NECAB2: variants seen among roughly 807,000 people sequenced by gnomAD.
NECAB2 encodes N-terminal EF-hand calcium-binding protein 2.
NECAB2 carries 68 observed loss-of-function variants against 51.9 expected under a neutral mutation model. The ratio of observed to expected loss-of-function variants is 1.31; its 90% CI spans 1.08 to 1.60. NECAB2 has a LOEUF of 1.60. Among genes scored for constraint, NECAB2 ranks in the 40% most tolerant of loss-of-function variants. NECAB2 has a pLI of 0.00. For synonymous variants in NECAB2, 329 were observed against 203.5 expected (o/e 1.62, Z -5.25); for missense variants, 854 against 490.3 (o/e 1.74, Z -7.00).
Position 83,970,580 on chromosome 16 carries a change from C to A in NECAB2, c.202-1571C>A, listed in dbSNP as rs2084337242. Reference sequence around the variant, plus strand: ...CTGGAGGGATGGGGGGCGAGGGCATCTGTCCTTTACCCCAAGGCGAGGACA... The same window carrying A: ...CTGGAGGGATGGGGGGCGAGGGCATATGTCCTTTACCCCAAGGCGAGGACA... On this transcript the variant is annotated intron_variant, in intron 1 of 12. Transcript: ENST00000305202. 3.3e-5 allele frequency among the ~76,000 whole-genome samples: 5 copies of A among 152,178 alleles called. No homozygotes were observed. The South Asian group carries it at 1.0e-3, about 32-fold the overall frequency.
Position 83,990,481 on chromosome 16 carries a change from C to G in NECAB2, c.460-13C>G. On this transcript the variant is annotated splice_polypyrimidine_tract_variant and intron_variant, in intron 5 of 12. Coordinates refer to ENST00000305202, the MANE Select transcript of NECAB2 (RefSeq NM_019065.3). ...CCCCTTTCCCCTCAGTGCCTCTTCT[C>G]TTCCTTCCACAGGTATATGAGGGTG... The G allele has an allele frequency of 6.2e-7, 1 of 1,613,866 alleles. No homozygotes were observed. The highest frequency in any genetic ancestry group is 2.2e-5 in the East Asian group (1 of 44,858).
Position 84,002,314 on chromosome 16 carries a change from T to TCTAACGTGTCTCTCTCCTTC in NECAB2, c.1133-4_1133-3insCTAACGTGTCTCTCTCCTTC, listed in dbSNP as rs755828013. On this transcript the variant is annotated splice_region_variant and splice_polypyrimidine_tract_variant and intron_variant, in intron 12 of 12. Coordinates refer to ENST00000305202, the MANE Select transcript of NECAB2 (RefSeq NM_019065.3). ...TTCCCTCTAACGTGTCTCTCTCCTT[T>TCTAACGTGTCTCTCTCCTTC]TAGCTGCTTGGTGCACGGTGGGACG... is the stretch of plus-strand genomic sequence containing the variant. 2.5e-6 allele frequency: 4 copies of TCTAACGTGTCTCTCTCCTTC among 1,613,552 alleles called. No individual in the cohort carries two copies. In the South Asian group the frequency reaches 4.4e-5, roughly 18 times the overall value.
rs1413219696 is a variant in NECAB2, at chr16:83,998,057, C to G, written c.850-148C>G. ...AGTCCTTTCTTAGCCCATTTTTAGT[C>G]CATTCTTATCCATTCATGGGTAAGA... On this transcript the variant is annotated intron_variant, in intron 9 of 12. Transcript: ENST00000305202. The G allele has an allele frequency of 1.5e-5, 10 of 688,962 alleles. No homozygotes were observed. The East Asian group carries it at 2.7e-4, about 19-fold the overall frequency. The allele number at this position is 688,962 out of a possible 1,614,324, so 42.7% of individuals were successfully genotyped here.
chr16:83,975,714 C>A (rs1345479433), intron 2 of NECAB2, among the ~76,000 whole-genome samples: 1 of 152,128 alleles, frequency 6.6e-6, no homozygotes, highest in Non-Finnish European at 1.5e-5. Flanking sequence ...GAGTGGCAGA[C>A]AGCATTTCCC....
At chr16:83,985,205 T>C (rs1419002702) in intron 5 of NECAB2, among the ~76,000 whole-genome samples, 1 of 145,482 alleles carries the variant, frequency 6.9e-6, no homozygotes, top group East Asian at 2.2e-4. Flanking sequence ...CCCAGCTACT[T>C]GGGAGGCTGA....
intron 11 of NECAB2, 34 bp from the exon 12 acceptor site, chr16:84,001,791 C>G: frequency 6.2e-7 from 1 of 1,610,216 alleles, no homozygotes; most frequent in African/African-American, 1.3e-5. Context: ...TCCACTCCTG[C>G]CACCCCTGAC....
chr16:83,998,176 C>T (rs370701918), intron 9 of NECAB2, 29 bp from the exon 10 acceptor site: 1 of 1,599,038 alleles, frequency 6.3e-7, no homozygotes, highest in Non-Finnish European at 8.5e-7. Flanking sequence ...GACGTGGAGC[C>T]CCACACTGAC....
chr16:83,978,356 T>C, intron 2 of NECAB2, 88 bp from the exon 3 acceptor site: 2 of 988,200 alleles, frequency 2.0e-6, no homozygotes, highest in Non-Finnish European at 3.1e-6. Context: ...GTCAGGCCAT[T>C]GACTGGATTT....
chr16:83,983,609 A>G (rs748403777), intron 5 of NECAB2, among the ~76,000 whole-genome samples: 2 of 151,996 alleles, frequency 1.3e-5, no homozygotes, highest in Non-Finnish European at 2.9e-5. Context: ...CCCCTAAGCT[A>G]TTGATGGGGT....
At position 83,985,313 on chromosome 16, in the gene NECAB2, C is replaced by CA. The variant is rs71148868; in HGVS notation, c.459+4219dup. Among the ~76,000 whole-genome samples, 507 of 30,238 alleles carry CA rather than the reference C, an allele frequency of 0.017. 47 individuals carry two copies. In the East Asian group the frequency reaches 0.19, roughly 11 times the overall value. 19.8% of individuals were successfully genotyped at this position (30,238 alleles called of 152,430 possible). A position where few individuals can be genotyped will look rare whatever the true frequency, so the allele number is the denominator to read the frequency against. On this transcript the variant is annotated intron_variant, in intron 5 of 12. Coordinates refer to ENST00000305202, the MANE Select transcript of NECAB2 (RefSeq NM_019065.3). ...GGACAACAAGAGCAAATCTCTGTCTCAAAAAAAAAAAAAAAAAAAAAAAAA... is the reference window on the plus strand; with the variant it reads ...GGACAACAAGAGCAAATCTCTGTCTCAAAAAAAAAAAAAAAAAAAAAAAAAA...
rs779633740 is a variant in NECAB2, at chr16:83,997,205, G to C, written c.796-11G>C. On this transcript the variant is annotated splice_polypyrimidine_tract_variant and intron_variant, in intron 8 of 12. Coordinates refer to ENST00000305202, the MANE Select transcript of NECAB2 (RefSeq NM_019065.3). Reference sequence around the variant, plus strand: ...CTGGGTCTAGCATCACTGTGTGCTGGATTGTTTCAGGCACTGTGGTTCGAC... The same window carrying C: ...CTGGGTCTAGCATCACTGTGTGCTGCATTGTTTCAGGCACTGTGGTTCGAC... The C allele has an allele frequency of 6.2e-7, 1 of 1,614,130 alleles. No homozygotes were observed. The highest frequency in any genetic ancestry group is 8.5e-7 in the Non-Finnish European group (1 of 1,180,020).
intron 2 of NECAB2, among the ~76,000 whole-genome samples, 182 bp downstream of exon 2, chr16:83,972,357 G>T (rs904972216): frequency 6.6e-6 from 1 of 152,174 alleles, no homozygotes; most frequent in South Asian, 2.1e-4. Flanking sequence ...TCTGTAAAAC[G>T]GGAATCCTAG....
At chr16:83,998,070 T>C (rs59756669) in intron 9 of NECAB2, 135 bp from the exon 10 acceptor site, 76 of 768,046 alleles carry the variant, frequency 9.9e-5, no homozygotes, top group Middle Eastern at 4.9e-4. Context: ...TTCTTATCCA[T>C]TCATGGGTAA....
intron 11 of NECAB2, 99 bp downstream of exon 11, chr16:84,000,900 A>C: frequency 8.3e-7 from 1 of 1,203,348 alleles, no homozygotes; most frequent in Non-Finnish European, 1.2e-6. Context: ...GGTAAGGCCG[A>C]GTCCAGTCAG....
At chr16:84,002,007 C>G (rs928570995) in intron 12 of NECAB2, 91 bp downstream of exon 12, 2 of 1,416,502 alleles carry the variant, frequency 1.4e-6, no homozygotes. Context: ...CGGGGACTTG[C>G]CTGCTTGCTG....
chr16:84,000,214 T>TTAAA (rs1555549880), intron 10 of NECAB2, among the ~76,000 whole-genome samples: 1 of 152,200 alleles, frequency 6.6e-6, no homozygotes, highest in Non-Finnish European at 1.5e-5. Context: ...CTGGTTTTGT[T>TTAAA]TAAATAAATG....
intron 6 of NECAB2, 106 bp downstream of exon 6, chr16:83,990,736 C>G (rs1371885881): frequency 6.1e-6 from 9 of 1,464,648 alleles, no homozygotes; most frequent in Non-Finnish European, 8.2e-6. Context: ...GCTGGGTGAC[C>G]TTGGGCAAGT....
Position 83,998,333 on chromosome 16 carries a change from A to T in NECAB2, c.962+16A>T, listed in dbSNP as rs183523225. The stretch of plus-strand genomic sequence containing the variant: ...ACTGCTTCCAGTGAGTGAGCTGCCG[A>T]GGCGTGGGTGGGATGGTGGCAGGGA... On this transcript the variant is annotated intron_variant, in intron 10 of 12. Coordinates refer to ENST00000305202, the MANE Select transcript of NECAB2 (RefSeq NM_019065.3). The T allele has an allele frequency of 6.2e-7, 1 of 1,611,120 alleles. No individual in the cohort carries two copies. The highest frequency in any genetic ancestry group is 8.5e-7 in the Non-Finnish European group (1 of 1,178,576).
chr16:83,988,501 A>T (rs1454339150), intron 5 of NECAB2, among the ~76,000 whole-genome samples: 3 of 152,222 alleles, frequency 2.0e-5, no homozygotes, highest in Non-Finnish European at 4.4e-5. Flanking sequence ...AATCCAATAT[A>T]GTTGAAATTA....
Sources: allele counts gnomAD v4.1 joint callset (sites outside exome capture counted in the v4.1 genomes callset), GRCh38; gene constraint gnomAD v4.1.1; transcripts MANE v1.5; gene names NCBI Gene and HGNC (gene_info 2026-07-23, HGNC 2026-07-21).